OR14L1: variants seen among roughly 807,000 people sequenced by gnomAD.
OR14L1 encodes the protein olfactory receptor 14L1.
At chr1:247,621,560 T>C in the OR14L1 span, 1 of 152,184 alleles carries the variant, frequency 6.6e-6, no homozygotes, top group Non-Finnish European at 1.5e-5. Flanking sequence ...TTTAAAATCC[T>C]CTTTTAACTG....
At chr1:247,618,035 A>T in the OR14L1 span, among the ~76,000 whole-genome samples, 1 of 152,098 alleles carries the variant, frequency 6.6e-6, no homozygotes, top group African/African-American at 2.4e-5. Context: ...CCCAAGATGA[A>T]GTTGGTTCTT....
the OR14L1 span, chr1:247,622,245 A>G: frequency 6.6e-6 from 1 of 151,958 alleles, no homozygotes; most frequent in Non-Finnish European, 1.5e-5. Context: ...AAACTTTTTC[A>G]TTATTGTTAT....
chr1:247,617,598 C>T, the OR14L1 span, among the ~76,000 whole-genome samples: 1 of 151,714 alleles, frequency 6.6e-6, no homozygotes, highest in Non-Finnish European at 1.5e-5. Context: ...CAATGCACAT[C>T]CATGAAAGCA....
chr1:247,619,652 A>C, the OR14L1 span: 1 of 152,170 alleles, frequency 6.6e-6, no homozygotes, highest in Non-Finnish European at 1.5e-5. Flanking sequence ...AGTGATTTTA[A>C]CCAAACTGAA....
the OR14L1 span, among the ~76,000 whole-genome samples, chr1:247,619,132 G>C: frequency 5.1e-4 from 78 of 152,236 alleles, no homozygotes; most frequent in Non-Finnish European, 9.3e-4. Flanking sequence ...TCACTAAATA[G>C]TTATGACATA....
At chr1:247,620,994 G>A in the OR14L1 span, 2 of 152,142 alleles carry the variant, frequency 1.3e-5, no homozygotes, top group South Asian at 2.1e-4. Context: ...TAAGGTAACA[G>A]TGTGTGCTCA....
chr1:247,620,421 G>A, the OR14L1 span: 26 of 152,228 alleles, frequency 1.7e-4, no homozygotes, highest in African/African-American at 5.8e-4. Flanking sequence ...CCTATGTGAA[G>A]CCAATTTCAA....
chr1:247,620,722 A>G, the OR14L1 span: 3 of 152,318 alleles, frequency 2.0e-5, no homozygotes, highest in Admixed American at 1.3e-4. Flanking sequence ...AGTTTACCAT[A>G]CTAACCATAT....
chr1:247,619,786 A>C, the OR14L1 span: 1 of 151,840 alleles, frequency 6.6e-6, no homozygotes, highest in Non-Finnish European at 1.5e-5. Flanking sequence ...CATACTTACC[A>C]CTCTGGATGT....
chr1:247,621,297 T>C, the OR14L1 span: 1 of 152,238 alleles, frequency 6.6e-6, no homozygotes, highest in East Asian at 1.9e-4. Context: ...ATTCTATCTA[T>C]ATAAATATTC....
At chr1:247,618,811 A>G in the OR14L1 span, among the ~76,000 whole-genome samples, 8 of 152,152 alleles carry the variant, frequency 5.3e-5, no homozygotes, top group African/African-American at 1.2e-4. Context: ...AAAATCATTC[A>G]GTAAAATAGT....
At chr1:247,618,035 A>C in the OR14L1 span, among the ~76,000 whole-genome samples, 2 of 152,098 alleles carry the variant, frequency 1.3e-5, no homozygotes, top group Non-Finnish European at 1.5e-5. Context: ...CCCAAGATGA[A>C]GTTGGTTCTT....
the OR14L1 span, among the ~76,000 whole-genome samples, chr1:247,617,693 GGTGTGTGTGTGTGTGTGC>G: frequency 1.4e-5 from 2 of 143,916 alleles, no homozygotes; most frequent in African/African-American, 5.3e-5. Flanking sequence ...AGTGGTGAAA[GGTGTGTGTGTGTGTGTGC>G]GTGTGTGTGT....
chr1:247,618,723 C>A, the OR14L1 span, among the ~76,000 whole-genome samples: 1 of 152,078 alleles, frequency 6.6e-6, no homozygotes, highest in South Asian at 2.1e-4. Context: ...CTAATCCATA[C>A]CCATATCCTA....
chr1:247,620,830 C>G, the OR14L1 span: 1 of 151,754 alleles, frequency 6.6e-6, no homozygotes, highest in South Asian at 2.1e-4. Context: ...TTGTAGATCT[C>G]AAAATTTTAT....
At chr1:247,618,098 T>C in the OR14L1 span, among the ~76,000 whole-genome samples, 4 of 152,182 alleles carry the variant, frequency 2.6e-5, no homozygotes, top group African/African-American at 9.7e-5. Flanking sequence ...CCTGTCCCTT[T>C]AACAACCAGC....
At chr1:247,618,481 T>C in the OR14L1 span, among the ~76,000 whole-genome samples, 1 of 151,824 alleles carries the variant, frequency 6.6e-6, no homozygotes, top group African/African-American at 2.4e-5. Context: ...TTAAACACTA[T>C]AGAAGTCTGG....
the OR14L1 span, chr1:247,622,207 C>T: frequency 2.0e-5 from 3 of 152,144 alleles, no homozygotes; most frequent in African/African-American, 7.2e-5. Flanking sequence ...GTCTGTGTGT[C>T]ACCTTTTAGT....
the OR14L1 span, chr1:247,622,024 C>G: frequency 1.3e-5 from 2 of 152,162 alleles, no homozygotes; most frequent in South Asian, 4.1e-4. Flanking sequence ...ACAGACATGC[C>G]TTTGACCTAC....
Sources: allele counts gnomAD v4.1 joint callset (sites outside exome capture counted in the v4.1 genomes callset), GRCh38; gene constraint gnomAD v4.1.1; transcripts MANE v1.5; gene names NCBI Gene and HGNC (gene_info 2026-07-23, HGNC 2026-07-21).